ADAMTSL1: variants seen among roughly 807,000 people sequenced by gnomAD.
ADAMTSL1 encodes the protein ADAMTS like 1, also known as ADAMTS-like protein 1.
In ADAMTSL1, 126 loss-of-function variants were observed where a neutral mutation model predicts 201.8. The ratio of observed to expected loss-of-function variants is 0.62; its 90% CI spans 0.54 to 0.72. ADAMTSL1 has a LOEUF of 0.72. ADAMTSL1 is among the 30% of genes least tolerant of loss of function. The pLI, the probability that ADAMTSL1 is intolerant of heterozygous loss-of-function variation, is 0.00. For synonymous variants in ADAMTSL1, 1,121 were observed against 903.4 expected (o/e 1.24, Z -4.32); for missense variants, 2,679 against 2,277.8 (o/e 1.18, Z -3.59).
chr9:18,707,032 C>T lies in ADAMTSL1; in HGVS notation c.1860C>T (p.Ser620=), dbSNP rs759040307. ...AGTATGAGGGGTTCACCAAGTGCTC[C>T]GAGTCCTGTGGAGGAGGTAAGAAAG... ...DWEYEGFTKC[S]ESCGGGVQEA... Residue 620 remains serine, a synonymous_variant, in exon 14 of 29, where the codon TCC becomes TCT. Transcript: ENST00000380548. The T allele has an allele frequency of 2.2e-5, 36 of 1,613,358 alleles. No homozygotes were observed. The highest frequency in any genetic ancestry group is 5.5e-5 in the South Asian group (5 of 91,046).
At chr9:18,770,856 A>C in intron 17 of ADAMTSL1, 75 bp downstream of exon 17, 1 of 1,431,106 alleles carries the variant, frequency 7.0e-7, no homozygotes, top group Non-Finnish European at 9.5e-7. Flanking sequence ...ATACATAGAA[A>C]AGGCAAGAAG....
intron 2 of ADAMTSL1, among the ~76,000 whole-genome samples, chr9:18,182,308 A>G (rs1051980592): frequency 6.6e-6 from 1 of 152,110 alleles, no homozygotes; most frequent in Non-Finnish European, 1.5e-5. Context: ...AAGAAGAATT[A>G]GATAGTGGTC....
intron 2 of ADAMTSL1, among the ~76,000 whole-genome samples, chr9:18,405,076 T>C (rs114237500): frequency 0.012 from 1,781 of 152,244 alleles, 38 homozygotes; most frequent in African/African-American, 0.041. Context: ...ACCTGACGTG[T>C]TTGTCTCCCT....
At chr9:17,936,344 C>G (rs774141083) in intron 1 of ADAMTSL1, among the ~76,000 whole-genome samples, 1 of 152,116 alleles carries the variant, frequency 6.6e-6, no homozygotes, top group African/African-American at 2.4e-5. Context: ...CTGCTAGGCA[C>G]CATTGAGGTA....
intron 21 of ADAMTSL1, among the ~76,000 whole-genome samples, chr9:18,821,364 G>T (rs1286214565): frequency 6.6e-6 from 1 of 152,146 alleles, no homozygotes; most frequent in Non-Finnish European, 1.5e-5. Context: ...TGGAACACAT[G>T]CCTTCCAAGG....
rs182398609 is a variant in ADAMTSL1, at chr9:18,348,055, C to A, written c.208-156774C>A. Among the ~76,000 whole-genome samples, 3 of 152,300 alleles carry A rather than the reference C, an allele frequency of 2.0e-5. No homozygotes were observed. In the East Asian group the frequency reaches 5.8e-4, roughly 29 times the overall value. On this transcript the variant is annotated intron_variant, in intron 2 of 29. Transcript: ENST00000680146. ...AAGTTGAGTTCTGGTCTTTTAAAAGCTTCCTTCCAAAATAGACCCGAATTA... is the reference window on the plus strand; with the variant it reads ...AAGTTGAGTTCTGGTCTTTTAAAAGATTCCTTCCAAAATAGACCCGAATTA...
At chr9:18,782,448 T>G (rs922343697) in intron 19 of ADAMTSL1, among the ~76,000 whole-genome samples, 5 of 152,232 alleles carry the variant, frequency 3.3e-5, no homozygotes, top group African/African-American at 1.2e-4. Context: ...TTGTCTATCC[T>G]TTTAACTCTA....
At chr9:18,705,215 T>G (rs1017438028) in intron 13 of ADAMTSL1, among the ~76,000 whole-genome samples, 1 of 152,206 alleles carries the variant, frequency 6.6e-6, no homozygotes, top group Non-Finnish European at 1.5e-5. Context: ...AGTTCTTTCA[T>G]TGTCTGCCAA....
At chr9:18,599,081 A>T (rs1489287992) in intron 4 of ADAMTSL1, among the ~76,000 whole-genome samples, 3 of 152,094 alleles carry the variant, frequency 2.0e-5, no homozygotes, top group Admixed American at 2.0e-4. Flanking sequence ...TCTCAGTATT[A>T]GGGTTGATTG....
intron 1 of ADAMTSL1, among the ~76,000 whole-genome samples, chr9:18,147,147 C>T (rs945462037): frequency 1.3e-5 from 2 of 152,002 alleles, no homozygotes; most frequent in Non-Finnish European, 2.9e-5. Context: ...GGGTACGTAA[C>T]CTCTGAAACT....
chr9:18,253,157 A>T (rs1229777858), intron 2 of ADAMTSL1, among the ~76,000 whole-genome samples: 1 of 152,124 alleles, frequency 6.6e-6, no homozygotes, highest in African/African-American at 2.4e-5. Context: ...GTATGGTACT[A>T]TCTCATTTCT....
intron 2 of ADAMTSL1, among the ~76,000 whole-genome samples, chr9:18,515,421 G>A (rs1172524072): frequency 1.3e-5 from 2 of 152,164 alleles, no homozygotes; most frequent in East Asian, 3.8e-4. Context: ...TGCAACCTTT[G>A]CCTCCCAGTT....
chr9:18,399,282 T>TAC (rs1341873596), intron 2 of ADAMTSL1, among the ~76,000 whole-genome samples: 10 of 19,232 alleles, frequency 5.2e-4, no homozygotes, highest in Non-Finnish European at 9.6e-4. Flanking sequence ...CTGCTTTACA[T>TAC]ATATATATAT....
chr9:18,267,529 A>G (rs1205326919), intron 2 of ADAMTSL1, among the ~76,000 whole-genome samples: 1 of 152,160 alleles, frequency 6.6e-6, no homozygotes, highest in Non-Finnish European at 1.5e-5. Context: ...CGCATGGCTT[A>G]CAGAAATGAA....
chr9:18,881,560 A>G (rs1828534889), intron 23 of ADAMTSL1, among the ~76,000 whole-genome samples: 2 of 152,338 alleles, frequency 1.3e-5, no homozygotes, highest in Admixed American at 6.5e-5. Context: ...AAACAATTAC[A>G]ATAGTAACAT....
intron 2 of ADAMTSL1, among the ~76,000 whole-genome samples, chr9:18,456,742 C>A (rs1349677275): frequency 1.3e-5 from 2 of 152,240 alleles, no homozygotes; most frequent in African/African-American, 4.8e-5. Flanking sequence ...CCTGGCTTAC[C>A]ACCTTCCTGT....
Position 18,719,710 on chromosome 9 carries a change from A to G in ADAMTSL1, c.1877-1826A>G, listed in dbSNP as rs145148195. ...AATGTTTAATTTCTCAGACTTACAA[A>G]GAAGAAAGGTGATTTGGACTCCAGC... On this transcript the variant is annotated intron_variant, in intron 14 of 28. Transcript: ENST00000380548. Among the ~76,000 whole-genome samples, 336 of 152,218 alleles carry G rather than the reference A, an allele frequency of 2.2e-3. 3 individuals carry two copies. Among genetic ancestry groups the G allele is most frequent in the African/African-American group, 7.3e-3 (304 of 41,538 alleles).
chr9:18,051,191 C>G (rs942595780), intron 1 of ADAMTSL1, among the ~76,000 whole-genome samples: 16 of 152,066 alleles, frequency 1.1e-4, no homozygotes, highest in African/African-American at 3.6e-4. Flanking sequence ...GCCCCAGCTA[C>G]TTGGGAGGCT....
At chr9:18,455,826 C>T (rs1275543256) in intron 2 of ADAMTSL1, among the ~76,000 whole-genome samples, 1 of 145,212 alleles carries the variant, frequency 6.9e-6, no homozygotes, top group African/African-American at 2.6e-5. Flanking sequence ...GCAAGAATCA[C>T]TATCCCCATC....
Sources: gnomAD v4.1 joint callset for allele counts (sites outside exome capture counted in the v4.1 genomes callset) on GRCh38, gnomAD v4.1.1 for gene constraint, MANE v1.5 for transcripts, NCBI Gene and HGNC (gene_info 2026-07-23, HGNC 2026-07-21) for gene names.